The following SH3D19 variants were observed in gnomAD, a reference collection of about 807,000 sequenced individuals.
The protein encoded by SH3D19 is SH3 domain-containing protein 19.
Under a neutral mutation model 112.1 loss-of-function variants are expected in SH3D19, and 58 were observed. The ratio of observed to expected loss-of-function variants is 0.52; its 90% confidence interval spans 0.42 to 0.64. The LOEUF (loss-of-function observed/expected upper bound fraction) is 0.64, where lower values mean the gene tolerates loss of function less well. SH3D19 is among the 30% of genes least tolerant of loss of function. The pLI is 0.00. For missense variants in SH3D19, 1,090 were observed against 1,263.4 expected (o/e 0.86, Z 2.08); for synonymous variants, 391 against 448.5 (o/e 0.87, Z 1.62).
intron 2 of SH3D19, among the ~76,000 whole-genome samples, chr4:151,208,544 G>C (rs969467670): frequency 8.6e-5 from 13 of 151,940 alleles, no homozygotes; most frequent in Admixed American, 3.9e-4. Flanking sequence ...CTAGTTTTTT[G>C]TATTTAGTAG....
intron 2 of SH3D19, among the ~76,000 whole-genome samples, chr4:151,196,989 AT>A (rs1201343199): frequency 1.3e-5 from 2 of 152,228 alleles, no homozygotes; most frequent in Non-Finnish European, 2.9e-5. Flanking sequence ...AAATCAAAAA[AT>A]ATTAATAGAT....
intron 1 of SH3D19, among the ~76,000 whole-genome samples, chr4:151,263,922 T>A (rs1772570499): frequency 1.3e-5 from 2 of 152,174 alleles, no homozygotes; most frequent in Admixed American, 1.3e-4. Flanking sequence ...CCTCCCCACT[T>A]CAGCCTCCTG....
chr4:151,295,176 C>T (rs1180278019), intron 1 of SH3D19, among the ~76,000 whole-genome samples: 1 of 152,200 alleles, frequency 6.6e-6, no homozygotes, highest in Non-Finnish European at 1.5e-5. Context: ...TGAGAAGCCA[C>T]TGGTGAAGTG....
Position 151,325,261 on chromosome 4 carries a change from A to G in SH3D19, c.92T>C (p.Leu31Pro). ...GGQRRARGRA[L>P]SGHSAADRNE... The stretch of plus-strand genomic sequence containing the variant: ...CTCACCTGCGGCCGAGTGGCCCGAG[A>G]GCGCACGGCCCCGGGCGCGGCGCTG... Residue 31 changes from leucine (L) to proline (P), a missense_variant, in exon 1 of 20, where the codon CTC becomes CCC. Physicochemically the swap from Leu to Pro is moderately conservative, Grantham distance 98. Coordinates refer to ENST00000604030, the MANE Select transcript of SH3D19 (RefSeq NM_001378122.1). 3.3e-6 allele frequency: 4 copies of G among 1,221,678 alleles called. 1 individual carries two copies. The South Asian group carries it at 1.7e-4, about 50-fold the overall frequency. The allele number at this position is 1,221,678 out of a possible 1,614,324, so 75.7% of individuals were successfully genotyped here.
At chr4:151,315,805 T>C (rs1729925477) in intron 1 of SH3D19, among the ~76,000 whole-genome samples, 1 of 152,280 alleles carries the variant, frequency 6.6e-6, no homozygotes. Context: ...AAAGGTCTCT[T>C]TCATGCAAAA....
At position 151,121,558 on chromosome 4, in the gene SH3D19, A is replaced by G. The variant is rs1747976206; in HGVS notation, c.*533T>C. The G allele has an allele frequency of 6.6e-6, 1 of 152,288 alleles. No individual in the cohort carries two copies. Among genetic ancestry groups the G allele is most frequent in the African/African-American group, 2.4e-5 (1 of 41,458 alleles). The allele number at this position is 152,288 out of a possible 1,614,324, so 9.4% of individuals were successfully genotyped here. ...TCACCATGTGCTTACAAATGCTCCAACTAGTCAGTAAACTATCCCATCTGA... is the reference window on the plus strand; with the variant it reads ...TCACCATGTGCTTACAAATGCTCCAGCTAGTCAGTAAACTATCCCATCTGA... On this transcript the variant is annotated 3_prime_UTR_variant, in exon 20 of 20. Coordinates refer to ENST00000604030, the MANE Select transcript of SH3D19 (RefSeq NM_001378122.1).
intron 2 of SH3D19, among the ~76,000 whole-genome samples, chr4:151,197,396 G>A (rs1408606412): frequency 6.6e-6 from 1 of 152,210 alleles, no homozygotes; most frequent in Non-Finnish European, 1.5e-5. Context: ...AGGGATAGTT[G>A]CACGGCATGG....
rs1198323888 is a variant in SH3D19 at position 151,128,446 on chromosome 4, A to C, written c.2743-90T>G. ...CTTAAAAAGTAGTGGGGAAAAAAAA[A>C]CTAAGGGGTCTTAAGATTTCAAAGC... On this transcript the variant is annotated intron_variant, in intron 17 of 19. Coordinates refer to ENST00000604030, the MANE Select transcript of SH3D19 (RefSeq NM_001378122.1). 3.7e-6 allele frequency: 4 copies of C among 1,073,960 alleles called. No individual in the cohort carries two copies. In the Admixed American group the frequency reaches 8.5e-5, roughly 23 times the overall value. The allele number at this position is 1,073,960 out of a possible 1,614,324, so 66.5% of individuals were successfully genotyped here. A position where few individuals can be genotyped will look rare whatever the true frequency, so the allele number is the denominator to read the frequency against.
chr4:151,308,930 C>T (rs540461083), intron 1 of SH3D19, among the ~76,000 whole-genome samples: 4 of 151,984 alleles, frequency 2.6e-5, no homozygotes, highest in African/African-American at 7.2e-5. Context: ...AGTGCGGTGG[C>T]GCAATCTTGG....
intron 7 of SH3D19, among the ~76,000 whole-genome samples, chr4:151,171,879 A>G (rs1759126248): frequency 6.6e-6 from 1 of 152,220 alleles, no homozygotes; most frequent in Admixed American, 6.5e-5. Context: ...TCTGGGCTCC[A>G]TTACATTAAC....
At chr4:151,177,846 T>G (rs974203684) in intron 4 of SH3D19, among the ~76,000 whole-genome samples, 3 of 152,220 alleles carry the variant, frequency 2.0e-5, no homozygotes, top group Admixed American at 1.3e-4. Flanking sequence ...ATGATTAATC[T>G]TTAATACTGG....
intron 1 of SH3D19, chr4:151,226,381 T>C (rs1769003291): frequency 9.4e-7 from 1 of 1,060,268 alleles, no homozygotes; most frequent in African/African-American, 1.7e-5. Flanking sequence ...TTGCTAACAC[T>C]AGAAGAGATT....
intron 1 of SH3D19, among the ~76,000 whole-genome samples, chr4:151,311,969 C>A (rs1038825979): frequency 1.3e-5 from 2 of 151,908 alleles, no homozygotes; most frequent in Admixed American, 6.6e-5. Flanking sequence ...CCAAGTATAT[C>A]GCATGGTGAC....
intron 2 of SH3D19, among the ~76,000 whole-genome samples, chr4:151,195,166 C>T (rs10461254): frequency 0.69 from 104,439 of 150,378 alleles, 41,291 homozygotes; most frequent in Non-Finnish European, 0.89. Context: ...GTCAGGAGAT[C>T]GAGACCATCC....
chr4:151,188,381 A>G (rs543273614), intron 2 of SH3D19, among the ~76,000 whole-genome samples: 1 of 152,334 alleles, frequency 6.6e-6, no homozygotes, highest in African/African-American at 2.4e-5. Flanking sequence ...AATATAAGGT[A>G]GAGGCGGAAT....
At chr4:151,318,129 C>G (rs1157400733) in intron 1 of SH3D19, among the ~76,000 whole-genome samples, 1 of 151,036 alleles carries the variant, frequency 6.6e-6, no homozygotes, top group Admixed American at 6.6e-5. Context: ...AACCCTGTCT[C>G]TAATAAAAAT....
intron 8 of SH3D19, among the ~76,000 whole-genome samples, chr4:151,160,468 C>T (rs1756963259): frequency 6.6e-6 from 1 of 152,152 alleles, no homozygotes; most frequent in African/African-American, 2.4e-5. Context: ...ACATCCAAAC[C>T]ACACCCACAT....
intron 2 of SH3D19, among the ~76,000 whole-genome samples, chr4:151,211,337 G>GCAGT (rs1477276475): frequency 6.6e-6 from 1 of 151,916 alleles, no homozygotes; most frequent in African/African-American, 2.4e-5. Context: ...TGTTCCACTG[G>GCAGT]CAGTTCCCCC....
At chr4:151,149,476 C>G in intron 10 of SH3D19, 24 bp downstream of exon 10, 1 of 1,599,150 alleles carries the variant, frequency 6.3e-7, no homozygotes, top group Non-Finnish European at 8.6e-7. Context: ...TAATTTTTCT[C>G]TAACTTTTCC....
Sources: gnomAD v4.1 joint callset for allele counts (sites outside exome capture counted in the v4.1 genomes callset) on GRCh38, gnomAD v4.1.1 for gene constraint, MANE v1.5 for transcripts, NCBI Gene and HGNC (gene_info 2026-07-23, HGNC 2026-07-21) for gene names.